Variants in EML6 observed in about 807,000 individuals in gnomAD.
EML6 encodes EMAP like 6.
Under a neutral mutation model 240.1 loss-of-function variants are expected in EML6, and 154 were observed. The ratio of observed to expected loss-of-function variants is 0.64; its 90% CI spans 0.56 to 0.73. The LOEUF is 0.73. EML6 is among the 30% of genes least tolerant of loss of function. The probability of loss-of-function intolerance (pLI) is 0.00; values close to 1 mark genes in which losing one functional copy is unlikely to be tolerated. For missense variants in EML6, 2,964 were observed against 2,474.6 expected (o/e 1.20, Z -4.20); for synonymous variants, 1,148 against 899.0 (o/e 1.28, Z -4.95).
intron 24 of EML6, among the ~76,000 whole-genome samples, chr2:54,909,840 G>C (rs1443118184): frequency 1.8e-5 from 2 of 112,202 alleles, no homozygotes; most frequent in Non-Finnish European, 3.3e-5. Flanking sequence ...GACAGAGCGA[G>C]ACTCCATCTC....
chr2:54,909,067 T>A (rs1243862782), intron 24 of EML6, among the ~76,000 whole-genome samples: 3 of 152,226 alleles, frequency 2.0e-5, no homozygotes, highest in Non-Finnish European at 2.9e-5. Context: ...AGTATGATCT[T>A]TGAAACTATG....
chr2:54,814,084 A>G (rs1667977625), intron 3 of EML6, among the ~76,000 whole-genome samples: 1 of 152,242 alleles, frequency 6.6e-6, no homozygotes, highest in South Asian at 2.1e-4. Flanking sequence ...GTTTAAAACC[A>G]ATAAGAGCTT....
intron 2 of EML6, among the ~76,000 whole-genome samples, chr2:54,804,679 G>T (rs1200110323): frequency 6.6e-6 from 1 of 152,158 alleles, no homozygotes; most frequent in African/African-American, 2.4e-5. Context: ...GAACAATGGA[G>T]ACACAAAATA....
At position 54,783,774 on chromosome 2, in the gene EML6, A is replaced by G. The variant is rs558545503; in HGVS notation, c.198-29458A>G. Among the ~76,000 whole-genome samples the G allele has an allele frequency of 3.9e-4, 60 of 152,248 alleles. 1 individual carries two copies. The highest frequency in any genetic ancestry group is 1.3e-3 in the African/African-American group (53 of 41,550). On this transcript the variant is annotated intron_variant, in intron 2 of 41. Transcript: ENST00000356458. ...CACCACCCTAAAAATTGACTACAGT[A>G]TTTTCTTTTTGTATAATACTATAAA... is the stretch of plus-strand genomic sequence containing the variant.
intron 24 of EML6, among the ~76,000 whole-genome samples, chr2:54,903,791 C>A (rs1054579678): frequency 2.0e-5 from 3 of 152,204 alleles, no homozygotes; most frequent in African/African-American, 7.2e-5. Flanking sequence ...CAAGCCACCA[C>A]CTCACCTTTA....
intron 2 of EML6, among the ~76,000 whole-genome samples, chr2:54,734,058 G>C (rs972523538): frequency 6.6e-6 from 1 of 152,180 alleles, no homozygotes; most frequent in African/African-American, 2.4e-5. Flanking sequence ...TGGTGATATG[G>C]CCAGGCACGG....
Position 54,971,223 on chromosome 2 carries a change from T to C in EML6, c.*1128T>C, listed in dbSNP as rs1676980966. On this transcript the variant is annotated 3_prime_UTR_variant, in exon 42 of 42. Transcript: ENST00000356458. ...CAAGGAATAGCTGGTAAATCAAAAT[T>C]ATAAAGTGAGTTAGAGTTCCTTGGA... 1 of 152,192 alleles carries C rather than the reference T, an allele frequency of 6.6e-6. No individual in the cohort carries two copies. The highest frequency in any genetic ancestry group is 1.5e-5 in the Non-Finnish European group (1 of 68,032). The allele number at this position is 152,192 out of a possible 1,614,324, so 9.4% of individuals were successfully genotyped here. A position where few individuals can be genotyped will look rare whatever the true frequency, so the allele number is the denominator to read the frequency against.
At chr2:54,849,522 T>A (rs932961505) in intron 9 of EML6, among the ~76,000 whole-genome samples, 1 of 152,256 alleles carries the variant, frequency 6.6e-6, no homozygotes, top group African/African-American at 2.4e-5. Context: ...GGAGTCTTGC[T>A]CTGTCGCCCA....
At chr2:54,942,463 G>A (rs1383444575) in intron 28 of EML6, among the ~76,000 whole-genome samples, 1 of 152,188 alleles carries the variant, frequency 6.6e-6, no homozygotes, top group South Asian at 2.1e-4. Flanking sequence ...GCACTACCAG[G>A]GGTGTTGATC....
At chr2:54,830,613 C>T (rs1194484274) in intron 7 of EML6, among the ~76,000 whole-genome samples, 5 of 152,096 alleles carry the variant, frequency 3.3e-5, no homozygotes, top group Middle Eastern at 6.3e-3. Context: ...TGTGGCAGTG[C>T]GCGGTGCTCT....
rs1041747659 is a variant in EML6, at chr2:54,857,135, A to C, written c.1658-2399A>C. Reference sequence around the variant, plus strand: ...AAGATATTTGTCTCTGGGAGTGCACATAAGGGGAAGAGGAATGTCTCGGTC... The same window carrying C: ...AAGATATTTGTCTCTGGGAGTGCACCTAAGGGGAAGAGGAATGTCTCGGTC... On this transcript the variant is annotated intron_variant, in intron 11 of 41. Coordinates refer to ENST00000356458, the MANE Select transcript of EML6 (RefSeq NM_001039753.4). 2.6e-5 allele frequency among the ~76,000 whole-genome samples: 4 copies of C among 152,210 alleles called. No individual in the cohort carries two copies. In the South Asian group the frequency reaches 6.2e-4, roughly 24 times the overall value.
rs534850305 is a variant in EML6 at position 54,939,382 on chromosome 2, T to A, written c.4005-9500T>A. 4.6e-5 allele frequency among the ~76,000 whole-genome samples: 7 copies of A among 152,302 alleles called. No individual in the cohort carries two copies. In the South Asian group the frequency reaches 1.5e-3, roughly 32 times the overall value. ...GCTTTGTCTGGCAGGGAATGTGTGA[T>A]AGTGGATGTTTAGGAGGGGTCTAGA... On this transcript the variant is annotated intron_variant, in intron 28 of 41. Transcript: ENST00000356458.
chr2:54,814,186 C>T (rs1467776461), intron 3 of EML6, among the ~76,000 whole-genome samples: 2 of 152,148 alleles, frequency 1.3e-5, no homozygotes, highest in Admixed American at 6.5e-5. Context: ...CCCTCATAGT[C>T]GAATTGGACA....
chr2:54,957,500 T>G (rs1676285096), intron 32 of EML6, among the ~76,000 whole-genome samples: 1 of 152,118 alleles, frequency 6.6e-6, no homozygotes, highest in Non-Finnish European at 1.5e-5. Flanking sequence ...TAAGCCACTT[T>G]GCTGCCTTCT....
At chr2:54,911,243 G>A (rs1426436897) in intron 25 of EML6, among the ~76,000 whole-genome samples, 4 of 152,152 alleles carry the variant, frequency 2.6e-5, no homozygotes, top group South Asian at 2.1e-4. Context: ...GTGTAGCAAT[G>A]TACAGTTGGT....
At chr2:54,860,032 A>G (rs1194926419) in intron 12 of EML6, among the ~76,000 whole-genome samples, 1 of 152,168 alleles carries the variant, frequency 6.6e-6, no homozygotes, top group African/African-American at 2.4e-5. Context: ...TCTGAGAGAA[A>G]GTCATACAAG....
At chr2:54,847,737 T>TAG in intron 9 of EML6, 114 bp downstream of exon 9, 1 of 1,131,084 alleles carries the variant, frequency 8.8e-7, no homozygotes, top group Non-Finnish European at 1.2e-6. Flanking sequence ...GCCATTCAAA[T>TAG]AGGAATACTA....
At chr2:54,761,506 A>G (rs891523118) in intron 2 of EML6, among the ~76,000 whole-genome samples, 13 of 152,184 alleles carry the variant, frequency 8.5e-5, no homozygotes, top group Non-Finnish European at 1.3e-4. Context: ...TAATTAAATT[A>G]TCAAATTTGG....
intron 21 of EML6, among the ~76,000 whole-genome samples, chr2:54,896,341 C>G (rs909531392): frequency 1.3e-5 from 2 of 152,234 alleles, no homozygotes; most frequent in Non-Finnish European, 2.9e-5. Flanking sequence ...GTGGGCCTCA[C>G]TATAGTCTCA....
Sources: allele counts gnomAD v4.1 joint callset (sites outside exome capture counted in the v4.1 genomes callset), GRCh38; gene constraint gnomAD v4.1.1; transcripts MANE v1.5; gene names NCBI Gene and HGNC (gene_info 2026-07-23, HGNC 2026-07-21).